The following CA10 variants were observed in gnomAD, a reference collection of about 807,000 sequenced individuals.
CA10 encodes carbonic anhydrase-related protein 10.
CA10 carries 14 observed loss-of-function variants against 44.2 expected under a neutral mutation model. The observed-to-expected ratio is 0.32, with a 90% CI of 0.21 to 0.50. The LOEUF (loss-of-function observed/expected upper bound fraction) is 0.50. Among genes scored for constraint, CA10 ranks in the 20% least tolerant of loss-of-function variants. The probability of loss-of-function intolerance (pLI) is 0.99; values close to 1 mark genes in which losing one functional copy is unlikely to be tolerated. For synonymous variants in CA10, 159 were observed against 141.6 expected, an observed-to-expected ratio of 1.12 and a Z score of -0.87; for missense variants, 350 against 409.7, an observed-to-expected ratio of 0.85 and a Z score of 1.26.
intron 3 of CA10, among the ~76,000 whole-genome samples, chr17:51,749,812 C>A (rs1233810447): frequency 6.6e-6 from 1 of 152,202 alleles, no homozygotes; most frequent in African/African-American, 2.4e-5. Flanking sequence ...AGACCACACA[C>A]TGGGGAACGG....
At chr17:51,765,900 C>T (rs1905364127) in intron 3 of CA10, among the ~76,000 whole-genome samples, 1 of 152,100 alleles carries the variant, frequency 6.6e-6, no homozygotes, top group African/African-American at 2.4e-5. Flanking sequence ...GAGTAAATTA[C>T]AGCTGAAGAG....
intron 1 of CA10, among the ~76,000 whole-genome samples, chr17:52,093,051 G>A (rs892566924): frequency 3.9e-5 from 6 of 152,008 alleles, no homozygotes; most frequent in South Asian, 4.1e-4. Flanking sequence ...AATTGGTTTT[G>A]TTTATATGTT....
At chr17:51,787,936 T>C (rs1906357620) in intron 3 of CA10, among the ~76,000 whole-genome samples, 1 of 152,222 alleles carries the variant, frequency 6.6e-6, no homozygotes. Flanking sequence ...TTTTGTATTG[T>C]TTTCATTTCA....
intron 2 of CA10, among the ~76,000 whole-genome samples, chr17:52,039,412 GGGAATGAAA>G (rs1279395817): frequency 6.6e-6 from 1 of 151,966 alleles, no homozygotes; most frequent in Non-Finnish European, 1.5e-5. Context: ...CTTTAATTCA[GGGAATGAAA>G]GTTACATTGA....
intron 8 of CA10, 130 bp downstream of exon 8, chr17:51,633,346 T>A (rs1463628932): frequency 1.3e-5 from 11 of 859,764 alleles, no homozygotes; most frequent in Admixed American, 2.6e-5. Flanking sequence ...GCAAATGGAG[T>A]GTGATGGCTA....
intron 1 of CA10, among the ~76,000 whole-genome samples, chr17:52,076,175 G>C (rs1987813905): frequency 6.6e-6 from 1 of 151,996 alleles, no homozygotes; most frequent in South Asian, 2.1e-4. Flanking sequence ...CCCCTCTAAG[G>C]ACAACCTATC....
At chr17:52,157,377 G>A (rs1989825642) in intron 1 of CA10, among the ~76,000 whole-genome samples, 1 of 152,014 alleles carries the variant, frequency 6.6e-6, no homozygotes, top group Admixed American at 6.5e-5. Context: ...TTGAAAGCCA[G>A]GGGATGGGGG....
chr17:51,930,524 G>T (rs1170723635), intron 3 of CA10, among the ~76,000 whole-genome samples: 1 of 151,942 alleles, frequency 6.6e-6, no homozygotes, highest in Non-Finnish European at 1.5e-5. Flanking sequence ...CCCCTAGGAA[G>T]ATTAATTATT....
At chr17:51,660,566 C>T (rs1465399899) in intron 4 of CA10, among the ~76,000 whole-genome samples, 1 of 152,192 alleles carries the variant, frequency 6.6e-6, no homozygotes, top group African/African-American at 2.4e-5. Context: ...ATGCCGGGGG[C>T]TGCTCACTCA....
At chr17:51,727,976 C>G (rs1916586492) in intron 4 of CA10, among the ~76,000 whole-genome samples, 2 of 152,062 alleles carry the variant, frequency 1.3e-5, no homozygotes, top group South Asian at 4.1e-4. Flanking sequence ...GCCTTGAACA[C>G]TTGGGCTCAA....
At chr17:51,899,622 G>A (rs946337153) in intron 3 of CA10, among the ~76,000 whole-genome samples, 3 of 151,980 alleles carry the variant, frequency 2.0e-5, no homozygotes, top group East Asian at 1.9e-4. Flanking sequence ...CTGCCTCAAC[G>A]ATCTGTCTAA....
At chr17:52,106,798 T>A (rs1026228931) in intron 1 of CA10, among the ~76,000 whole-genome samples, 7 of 152,226 alleles carry the variant, frequency 4.6e-5, no homozygotes, top group African/African-American at 1.7e-4. Flanking sequence ...ATGCATTAAT[T>A]GAAAGCCCAC....
intron 2 of CA10, among the ~76,000 whole-genome samples, chr17:51,966,230 C>T (rs1984076587): frequency 6.6e-6 from 1 of 151,796 alleles, no homozygotes; most frequent in South Asian, 2.1e-4. Flanking sequence ...GACGGAAGAA[C>T]ATTCCATACT....
intron 2 of CA10, among the ~76,000 whole-genome samples, chr17:52,036,139 G>GT (rs1189690852): frequency 1.3e-5 from 2 of 152,202 alleles, no homozygotes; most frequent in African/African-American, 4.8e-5. Flanking sequence ...GGGGCCACAT[G>GT]TGGGGGTGTC....
chr17:51,862,751 C>T (rs1979368641), intron 3 of CA10, among the ~76,000 whole-genome samples: 1 of 151,816 alleles, frequency 6.6e-6, no homozygotes, highest in Non-Finnish European at 1.5e-5. Flanking sequence ...GTTCACATGG[C>T]CTTTTTTTTT....
chr17:51,873,060 T>A (rs1015601112), intron 3 of CA10, among the ~76,000 whole-genome samples: 2 of 152,240 alleles, frequency 1.3e-5, no homozygotes, highest in Non-Finnish European at 2.9e-5. Context: ...TGCTGGAGTT[T>A]AGTTTCTAAG....
At chr17:52,139,118 A>T (rs1278826932) in intron 1 of CA10, among the ~76,000 whole-genome samples, 1 of 152,202 alleles carries the variant, frequency 6.6e-6, no homozygotes, top group African/African-American at 2.4e-5. Context: ...AGAGAAAGAG[A>T]ATATCCTATG....
chr17:51,758,955 C>G (rs895916561), intron 3 of CA10, among the ~76,000 whole-genome samples: 2 of 152,178 alleles, frequency 1.3e-5, no homozygotes, highest in Non-Finnish European at 2.9e-5. Context: ...CAAAGTCAAT[C>G]TCCTTATGCT....
chr17:51,677,882 T>C (rs1252737509), intron 4 of CA10, among the ~76,000 whole-genome samples: 1 of 61,586 alleles, frequency 1.6e-5, no homozygotes, highest in East Asian at 5.9e-4. Context: ...CTCCTAGGTA[T>C]ACACCCCCCC....
Sources: allele counts gnomAD v4.1 joint callset (sites outside exome capture counted in the v4.1 genomes callset), GRCh38; gene constraint gnomAD v4.1.1; transcripts MANE v1.5; gene names NCBI Gene and HGNC (gene_info 2026-07-23, HGNC 2026-07-21).